Variants in ZNF277 observed in about 807,000 individuals in gnomAD.
ZNF277 encodes the protein zinc finger protein 277, also known as nuclear receptor-interacting factor 4.
ZNF277 carries 55 observed loss-of-function variants against 60.7 expected under a neutral mutation model. That is an observed-to-expected ratio of 0.91 (90% confidence interval 0.73 to 1.13). The LOEUF (loss-of-function observed/expected upper bound fraction) is 1.13, where lower values mean the gene tolerates loss of function less well. Among genes scored for constraint, ZNF277 ranks in the 50% most tolerant of loss-of-function variants. The pLI, the probability that ZNF277 is intolerant of heterozygous loss-of-function variation, is 0.00. For synonymous variants in ZNF277, 178 were observed against 179.3 expected (o/e 0.99, Z 0.06); for missense variants, 510 against 523.0 (o/e 0.98, Z 0.24).
chr7:112,278,101 C>T (rs1791852712), intron 1 of ZNF277, among the ~76,000 whole-genome samples: 2 of 152,040 alleles, frequency 1.3e-5, no homozygotes, highest in African/African-American at 2.4e-5. Context: ...AATATAAATC[C>T]CTTCACTTTT....
chr7:112,290,291 C>T (rs972136519), intron 2 of ZNF277, among the ~76,000 whole-genome samples: 35 of 152,278 alleles, frequency 2.3e-4, no homozygotes, highest in African/African-American at 7.7e-4. Flanking sequence ...TTTGTATTCT[C>T]CTTTGTGCTT....
At chr7:112,261,387 T>C (rs534925243) in intron 1 of ZNF277, among the ~76,000 whole-genome samples, 31 of 152,324 alleles carry the variant, frequency 2.0e-4, no homozygotes, top group African/African-American at 7.2e-4. Flanking sequence ...CTACATCCCA[T>C]AAATGCAATG....
chr7:112,319,403 A>G (rs1175596304), intron 5 of ZNF277, among the ~76,000 whole-genome samples: 1 of 152,038 alleles, frequency 6.6e-6, no homozygotes, highest in Non-Finnish European at 1.5e-5. Context: ...ATTATTACGC[A>G]TCAGCAATGT....
At chr7:112,208,114 C>T (rs1166523911) in intron 1 of ZNF277, among the ~76,000 whole-genome samples, 2 of 152,200 alleles carry the variant, frequency 1.3e-5, no homozygotes, top group African/African-American at 2.4e-5. Flanking sequence ...CGGTGGCTCA[C>T]CCCTGTAATA....
At chr7:112,272,958 T>C (rs1031491152) in intron 1 of ZNF277, among the ~76,000 whole-genome samples, 3 of 152,226 alleles carry the variant, frequency 2.0e-5, no homozygotes, top group Non-Finnish European at 4.4e-5. Context: ...GGTGAGATGA[T>C]ATTCATTGTA....
chr7:112,214,540 T>C (rs1469894845), intron 1 of ZNF277, among the ~76,000 whole-genome samples: 1 of 152,210 alleles, frequency 6.6e-6, no homozygotes, highest in East Asian at 1.9e-4. Context: ...GACTGATCAG[T>C]CTTCTGTTTT....
At chr7:112,217,445 A>C (rs2116955767) in intron 1 of ZNF277, among the ~76,000 whole-genome samples, 1 of 152,360 alleles carries the variant, frequency 6.6e-6, no homozygotes, top group Non-Finnish European at 1.5e-5. Context: ...ATACTGTCTC[A>C]GATCTTAGAA....
At chr7:112,324,769 ATAT>A (rs1315469307) in intron 5 of ZNF277, among the ~76,000 whole-genome samples, 1 of 152,168 alleles carries the variant, frequency 6.6e-6, no homozygotes, top group Non-Finnish European at 1.5e-5. Context: ...AAGCGGAGAC[ATAT>A]TATGGGAATT....
intron 5 of ZNF277, among the ~76,000 whole-genome samples, chr7:112,326,587 T>G (rs1793097166): frequency 6.6e-6 from 1 of 151,030 alleles, no homozygotes; most frequent in African/African-American, 2.4e-5. Context: ...TAATAGGCAG[T>G]GAGACAAATG....
intron 4 of ZNF277, among the ~76,000 whole-genome samples, chr7:112,316,601 A>G (rs1792849311): frequency 6.6e-6 from 1 of 152,006 alleles, no homozygotes; most frequent in African/African-American, 2.4e-5. Context: ...TTTTGTTGCC[A>G]TTGCTTTTGG....
At chr7:112,291,296 T>C (rs1792201051) in intron 2 of ZNF277, among the ~76,000 whole-genome samples, 1 of 152,174 alleles carries the variant, frequency 6.6e-6, no homozygotes, top group South Asian at 2.1e-4. Flanking sequence ...ACTATGTCAA[T>C]AACCATACCA....
chr7:112,215,748 C>T (rs963483355), intron 1 of ZNF277, among the ~76,000 whole-genome samples: 37 of 152,290 alleles, frequency 2.4e-4, no homozygotes, highest in Non-Finnish European at 5.0e-4. Context: ...AAAGAACTCT[C>T]CCCTCCCTGC....
chr7:112,318,113 A>G, intron 4 of ZNF277, 69 bp from the exon 5 acceptor site: 1 of 1,335,714 alleles, frequency 7.5e-7, no homozygotes, highest in Non-Finnish European at 1.1e-6. Context: ...CCTCCCATCC[A>G]GACTTTGACA....
intron 1 of ZNF277, among the ~76,000 whole-genome samples, chr7:112,235,133 A>G (rs992367649): frequency 1.3e-5 from 2 of 152,114 alleles, no homozygotes; most frequent in Non-Finnish European, 2.9e-5. Flanking sequence ...ATTTCGCTCC[A>G]ATATTATTTT....
chr7:112,215,230 C>T (rs1229162504), intron 1 of ZNF277, among the ~76,000 whole-genome samples: 2 of 152,114 alleles, frequency 1.3e-5, no homozygotes, highest in Non-Finnish European at 2.9e-5. Context: ...GCTACTGCTA[C>T]TACTACTACA....
chr7:112,218,500 T>G (rs1344068516), intron 1 of ZNF277, among the ~76,000 whole-genome samples: 3 of 152,174 alleles, frequency 2.0e-5, no homozygotes, highest in Admixed American at 2.0e-4. Flanking sequence ...GATCTACTCA[T>G]AGCAGTTTTC....
intron 1 of ZNF277, among the ~76,000 whole-genome samples, chr7:112,284,749 A>G (rs928164797): frequency 2.0e-5 from 3 of 152,200 alleles, no homozygotes; most frequent in Non-Finnish European, 4.4e-5. Flanking sequence ...AGCATACTTT[A>G]ATGTGACTAG....
At chr7:112,249,310 A>G (rs1346904975) in intron 1 of ZNF277, among the ~76,000 whole-genome samples, 2 of 152,188 alleles carry the variant, frequency 1.3e-5, no homozygotes, top group Admixed American at 1.3e-4. Flanking sequence ...GGTCCAATGA[A>G]CAAAATAAGT....
chr7:112,239,277 A>T (rs940644752), intron 1 of ZNF277, among the ~76,000 whole-genome samples: 14 of 152,178 alleles, frequency 9.2e-5, no homozygotes, highest in Admixed American at 9.2e-4. Context: ...TAGCTCCTGG[A>T]CAGTATTTCT....
Sources: allele counts gnomAD v4.1 joint callset (sites outside exome capture counted in the v4.1 genomes callset), GRCh38; gene constraint gnomAD v4.1.1; transcripts MANE v1.5; gene names NCBI Gene and HGNC (gene_info 2026-07-23, HGNC 2026-07-21).